Variants in ATP2B2 observed in about 807,000 individuals in gnomAD.
The protein encoded by ATP2B2 is ATPase plasma membrane Ca2+ transporting 2, also known as plasma membrane calcium-transporting ATPase 2.
ATP2B2 carries 15 observed loss-of-function variants against 120.0 expected under a neutral mutation model. That is an observed-to-expected ratio of 0.12 (90% CI 0.08 to 0.19). ATP2B2 has a LOEUF of 0.19. Ranked by LOEUF, ATP2B2 falls within the 10% of genes least tolerant of loss-of-function variation. The pLI is 1.00. For missense variants in ATP2B2, 1,045 were observed against 1,719.8 expected (o/e 0.61, Z 6.94); for synonymous variants, 694 against 700.3 (o/e 0.99, Z 0.14).
At chr3:10,682,377 G>A (rs576642724) in intron 1 of ATP2B2, among the ~76,000 whole-genome samples, 2 of 152,336 alleles carry the variant, frequency 1.3e-5, no homozygotes, top group South Asian at 2.1e-4. Context: ...GATATTGGCT[G>A]AGACTATGGG....
intron 1 of ATP2B2, among the ~76,000 whole-genome samples, chr3:10,694,289 C>T (rs1559525178): frequency 6.6e-6 from 1 of 152,254 alleles, no homozygotes; most frequent in Non-Finnish European, 1.5e-5. Context: ...CACCACAAGA[C>T]TCCTTCGTAC....
chr3:10,402,103 G>T lies in ATP2B2; in HGVS notation c.643C>A (p.Gln215Lys). Residue 215 changes from glutamine (Q) to lysine (K), a missense_variant, in exon 4 of 23, where the codon CAG becomes AAG. Transcript: ENST00000360273. This position sits in a 1 kb window ranked among gnomAD's most constrained non-coding sequence, Gnocchi z 4.9. ...CTGGGACACTTACCATATTTGACCTGGGCTATGTCCCCAACCACGATCTCA... is the reference window on the plus strand; with the variant it reads ...CTGGGACACTTACCATATTTGACCTTGGCTATGTCCCCAACCACGATCTCA... ...VAEIVVGDIA[Q>K]VKYGDLLPAD... 2 of 1,613,912 alleles carry T rather than the reference G, an allele frequency of 1.2e-6. No individual in the cohort carries two copies. Among genetic ancestry groups the T allele is most frequent in the Non-Finnish European group, 1.7e-6 (2 of 1,180,034 alleles).
intron 2 of ATP2B2, among the ~76,000 whole-genome samples, chr3:10,610,076 T>TACAC (rs34843797): frequency 0.016 from 2,314 of 146,632 alleles, 30 homozygotes; most frequent in Admixed American, 0.018. Flanking sequence ...TATACACACA[T>TACAC]ACACACACAC....
intron 1 of ATP2B2, among the ~76,000 whole-genome samples, chr3:10,468,281 T>C (rs568580867): frequency 6.6e-6 from 1 of 152,302 alleles, no homozygotes; most frequent in East Asian, 1.9e-4. Flanking sequence ...CCAGGGCCCT[T>C]AGTGGGGCAC....
chr3:10,638,786 C>T (rs1559499538), intron 1 of ATP2B2, among the ~76,000 whole-genome samples: 1 of 152,172 alleles, frequency 6.6e-6, no homozygotes, highest in African/African-American at 2.4e-5. Context: ...GCTATGCTAA[C>T]ATAATCAAAA....
intron 2 of ATP2B2, among the ~76,000 whole-genome samples, chr3:10,429,035 C>A (rs1310368919): frequency 6.6e-6 from 1 of 152,252 alleles, no homozygotes; most frequent in African/African-American, 2.4e-5. Flanking sequence ...GGTGCTCCTG[C>A]AGCCTCCTGT....
intron 2 of ATP2B2, among the ~76,000 whole-genome samples, chr3:10,418,112 G>T (rs537900865): frequency 6.6e-6 from 1 of 152,172 alleles, no homozygotes; most frequent in East Asian, 1.9e-4. Flanking sequence ...TTGCCTGCTT[G>T]GTAGCTCAGT....
chr3:10,331,875 TG>T, intron 22 of ATP2B2: 1 of 1,099,224 alleles, frequency 9.1e-7, no homozygotes, highest in Non-Finnish European at 1.3e-6. Flanking sequence ...GCACAGGCCC[TG>T]GTCTGAGATG....
chr3:10,674,936 C>T (rs918601756), intron 1 of ATP2B2, among the ~76,000 whole-genome samples: 5 of 152,194 alleles, frequency 3.3e-5, no homozygotes, highest in African/African-American at 9.7e-5. Context: ...AGGATCATGT[C>T]GTGTGTTTAG....
chr3:10,435,250 T>C (rs542025629), intron 2 of ATP2B2, among the ~76,000 whole-genome samples: 1 of 152,230 alleles, frequency 6.6e-6, no homozygotes, highest in African/African-American at 2.4e-5. Flanking sequence ...GCACTTTCCC[T>C]CCGGCTCCCA....
chr3:10,421,549 A>C (rs1362774452), intron 2 of ATP2B2, among the ~76,000 whole-genome samples: 1 of 152,200 alleles, frequency 6.6e-6, no homozygotes, highest in East Asian at 1.9e-4. Context: ...GGCGAGAAAA[A>C]GGAGACTGGA....
chr3:10,371,234 G>C (rs1426707005), intron 12 of ATP2B2, among the ~76,000 whole-genome samples: 1 of 152,218 alleles, frequency 6.6e-6, no homozygotes, highest in Non-Finnish European at 1.5e-5. Context: ...CTCTCTCAAA[G>C]GCCTGTTGTC....
In ATP2B2 at chr3:10,488,232, CCTATCCATCCATCCATCCAT is replaced by C. The variant is rs1203840866; in HGVS notation, c.-320+17213_-320+17232del. 5.7e-4 allele frequency among the ~76,000 whole-genome samples: 54 copies of C among 94,822 alleles called. 1 individual carries two copies. The highest frequency in any genetic ancestry group is 1.1e-3 in the Non-Finnish European group (49 of 44,252). The allele number at this position is 94,822 out of a possible 152,430, so 62.2% of individuals were successfully genotyped here. ...ATCCATCCATCCATCCACTCATCCA[CCTATCCATCCATCCATCCAT>C]CCATCCATCCATCCATCCATCCATG... On this transcript the variant is annotated intron_variant, in intron 1 of 22. Coordinates refer to ENST00000360273, the MANE Select transcript of ATP2B2 (RefSeq NM_001001331.4).
chr3:10,400,084 A>G (rs1305201563), intron 5 of ATP2B2, among the ~76,000 whole-genome samples: 1 of 152,214 alleles, frequency 6.6e-6, no homozygotes, highest in African/African-American at 2.4e-5. Context: ...CTGCTGGACA[A>G]TAAGGCCTTT....
At chr3:10,373,141 G>C (rs958074908) in intron 11 of ATP2B2, among the ~76,000 whole-genome samples, 20 of 152,214 alleles carry the variant, frequency 1.3e-4, no homozygotes, top group Non-Finnish European at 2.9e-4. Context: ...ACAGCAACTT[G>C]AATTTGCAAC....
At chr3:10,517,831 G>A (rs1221308041) in intron 3 of ATP2B2, among the ~76,000 whole-genome samples, 1 of 152,332 alleles carries the variant, frequency 6.6e-6, no homozygotes, top group Non-Finnish European at 1.5e-5. Context: ...GCACTGTGCC[G>A]GGCACAGCAG....
At chr3:10,484,909 C>A (rs1383896266) in intron 1 of ATP2B2, among the ~76,000 whole-genome samples, 1 of 152,226 alleles carries the variant, frequency 6.6e-6, no homozygotes, top group Non-Finnish European at 1.5e-5. Context: ...TCAGTTTCCT[C>A]AGCTGTGAAA....
At chr3:10,560,182 G>A (rs565006861) in intron 2 of ATP2B2, among the ~76,000 whole-genome samples, 5 of 152,204 alleles carry the variant, frequency 3.3e-5, no homozygotes, top group Non-Finnish European at 4.4e-5. Flanking sequence ...ACAAACCAGC[G>A]AAAGGCATCG....
chr3:10,325,596 CTT>C lies in ATP2B2; in HGVS notation c.*3216_*3217del, dbSNP rs1173639143. On this transcript the variant is annotated 3_prime_UTR_variant, in exon 23 of 23. Transcript: ENST00000360273. ...GTCTCAGAAATAGGACTGCCTCTCT[CTT>C]GTCATCTCTATGCTATGGTTGGGAC... is the stretch of plus-strand genomic sequence containing the variant. 6.6e-6 allele frequency: 1 copy of C among 152,200 alleles called. No homozygotes were observed. Among genetic ancestry groups the C allele is most frequent in the Non-Finnish European group, 1.5e-5 (1 of 68,060 alleles). 9.4% of individuals were successfully genotyped at this position (152,200 alleles called of 1,614,324 possible).
Sources: allele counts gnomAD v4.1 joint callset (sites outside exome capture counted in the v4.1 genomes callset), GRCh38; gene constraint gnomAD v4.1.1; non-coding constraint Gnocchi (gnomAD v3.1); transcripts MANE v1.5; gene names NCBI Gene and HGNC (gene_info 2026-07-23, HGNC 2026-07-21).